PTPRD: variants seen among roughly 807,000 people sequenced by gnomAD.
PTPRD encodes protein tyrosine phosphatase receptor type D, also known as receptor-type tyrosine-protein phosphatase delta.
In PTPRD, 34 loss-of-function variants were observed where a neutral mutation model predicts 214.5. That is an observed-to-expected ratio of 0.16 (90% CI 0.12 to 0.21). The LOEUF is 0.21. Among genes scored for constraint, PTPRD ranks in the 10% least tolerant of loss-of-function variants. The pLI, the probability that PTPRD is intolerant of heterozygous loss-of-function variation, is 1.00. For synonymous variants in PTPRD, 1,128 were observed against 845.7 expected (o/e 1.33, Z -5.79); for missense variants, 2,545 against 2,398.7 (o/e 1.06, Z -1.27).
rs185618698 is a variant in PTPRD, at chr9:10,588,515, A to C, written c.-600+23883T>G. ...AATATTAATCTAAGCTATCCAAATA[A>C]ATGGCCCAGCCATGGAATCAGAACT... On this transcript the variant is annotated intron_variant, in intron 2 of 45. Transcript: ENST00000381196. 2.6e-3 allele frequency among the ~76,000 whole-genome samples: 402 copies of C among 151,968 alleles called. 4 individuals are homozygous for C. The highest frequency in any genetic ancestry group is 9.4e-3 in the African/African-American group (392 of 41,504).
chr9:9,907,577 T>G (rs187887933), intron 5 of PTPRD, among the ~76,000 whole-genome samples: 4 of 152,122 alleles, frequency 2.6e-5, no homozygotes, highest in African/African-American at 7.2e-5. Context: ...CAGAGTCCTA[T>G]TCTTCTAACC....
At chr9:8,345,878 T>C (rs1157350829) in intron 39 of PTPRD, among the ~76,000 whole-genome samples, 1 of 152,084 alleles carries the variant, frequency 6.6e-6, no homozygotes, top group Non-Finnish European at 1.5e-5. Flanking sequence ...TCCATCTGTA[T>C]CAATTTCACG....
chr9:9,348,229 C>T (rs559043145), intron 9 of PTPRD, among the ~76,000 whole-genome samples: 2 of 152,198 alleles, frequency 1.3e-5, no homozygotes, highest in South Asian at 4.1e-4. Flanking sequence ...TATTCTGTTG[C>T]TCTCTTTGGG....
chr9:9,127,578 G>A (rs760883446), intron 10 of PTPRD, among the ~76,000 whole-genome samples: 1 of 152,118 alleles, frequency 6.6e-6, no homozygotes, highest in Non-Finnish European at 1.5e-5. Context: ...TTCCACTTTA[G>A]TAAAGACTAG....
chr9:8,832,394 G>A (rs6477358), intron 11 of PTPRD, among the ~76,000 whole-genome samples: 1 of 144,176 alleles, frequency 6.9e-6, no homozygotes, highest in Non-Finnish European at 1.5e-5. Context: ...GTAAAGCAAG[G>A]GGCAGCTAAA....
chr9:8,594,366 C>A (rs1054872024), intron 14 of PTPRD, among the ~76,000 whole-genome samples: 3 of 152,268 alleles, frequency 2.0e-5, no homozygotes, highest in African/African-American at 4.8e-5. Flanking sequence ...TATCAAAGAT[C>A]TCCTAAGAAT....
intron 5 of PTPRD, among the ~76,000 whole-genome samples, chr9:9,898,097 G>A (rs146463675): frequency 6.6e-6 from 1 of 152,074 alleles, no homozygotes; most frequent in African/African-American, 2.4e-5. Flanking sequence ...AGAAACTAAG[G>A]AATGCCTGTT....
intron 9 of PTPRD, among the ~76,000 whole-genome samples, chr9:9,228,538 CT>C (rs562448369): frequency 1.3e-5 from 2 of 151,776 alleles, no homozygotes; most frequent in African/African-American, 2.4e-5. Flanking sequence ...ACTACTGTAT[CT>C]TTTTTTTCTC....
At chr9:10,373,176 A>G (rs1037170413) in intron 2 of PTPRD, among the ~76,000 whole-genome samples, 16 of 151,994 alleles carry the variant, frequency 1.1e-4, no homozygotes, top group African/African-American at 3.6e-4. Context: ...GAAGTTTACA[A>G]AAATTCAACA....
chr9:10,081,667 T>C (rs1051133121), intron 3 of PTPRD, among the ~76,000 whole-genome samples: 5 of 152,088 alleles, frequency 3.3e-5, no homozygotes, highest in Non-Finnish European at 5.9e-5. Flanking sequence ...CCACCCAGTC[T>C]ATGGTGCTTT....
chr9:10,391,163 T>C (rs778533273), intron 2 of PTPRD, among the ~76,000 whole-genome samples: 35 of 151,736 alleles, frequency 2.3e-4, no homozygotes, highest in Non-Finnish European at 3.7e-4. Context: ...AAATCAGGAG[T>C]AATTCTCTTT....
chr9:10,548,626 A>G (rs2060657740), intron 2 of PTPRD, among the ~76,000 whole-genome samples: 1 of 152,162 alleles, frequency 6.6e-6, no homozygotes, highest in Non-Finnish European at 1.5e-5. Flanking sequence ...GAGGATTTGA[A>G]TAACTTGTGC....
intron 10 of PTPRD, among the ~76,000 whole-genome samples, chr9:9,114,089 T>C (rs562657964): frequency 6.6e-6 from 1 of 152,070 alleles, no homozygotes; most frequent in East Asian, 1.9e-4. Context: ...ATAAACCATA[T>C]CCTTTTGACC....
chr9:9,927,691 A>G (rs977886967), intron 5 of PTPRD, among the ~76,000 whole-genome samples: 2 of 152,134 alleles, frequency 1.3e-5, no homozygotes, highest in African/African-American at 2.4e-5. Flanking sequence ...TATATTATTA[A>G]TATCTATCTA....
chr9:9,280,614 T>C (rs1009143893), intron 9 of PTPRD, among the ~76,000 whole-genome samples: 2 of 151,192 alleles, frequency 1.3e-5, no homozygotes, highest in Non-Finnish European at 1.5e-5. Context: ...AAAACTTTGA[T>C]AAAAAATATC....
At chr9:9,498,444 G>C (rs1162341000) in intron 8 of PTPRD, among the ~76,000 whole-genome samples, 6 of 152,048 alleles carry the variant, frequency 3.9e-5, no homozygotes, top group Admixed American at 1.3e-4. Context: ...ATTTAGATTT[G>C]ATAAATTATC....
chr9:10,171,870 A>C (rs2099209888), intron 3 of PTPRD, among the ~76,000 whole-genome samples: 4 of 152,140 alleles, frequency 2.6e-5, no homozygotes, highest in Admixed American at 2.0e-4. Context: ...AACCCCCATC[A>C]TGCTGTTTTT....
At chr9:9,420,782 A>T (rs1342027384) in intron 8 of PTPRD, among the ~76,000 whole-genome samples, 5 of 152,010 alleles carry the variant, frequency 3.3e-5, no homozygotes, top group Admixed American at 3.3e-4. Flanking sequence ...ATGATCGATT[A>T]AATTATTAAA....
intron 14 of PTPRD, among the ~76,000 whole-genome samples, chr9:8,573,477 C>T (rs1396526039): frequency 2.0e-5 from 3 of 152,032 alleles, no homozygotes; most frequent in Middle Eastern, 3.4e-3. Context: ...ACTGAAGATA[C>T]TCTTCACAAG....
Sources: gnomAD v4.1 joint callset for allele counts (sites outside exome capture counted in the v4.1 genomes callset) on GRCh38, gnomAD v4.1.1 for gene constraint, MANE v1.5 for transcripts, NCBI Gene and HGNC (gene_info 2026-07-23, HGNC 2026-07-21) for gene names.